Variants in ADGRL2 observed in about 807,000 individuals in gnomAD.
ADGRL2 encodes calcium-independent alpha-latrotoxin receptor 2.
Under a neutral mutation model 157.4 loss-of-function variants are expected in ADGRL2, and 44 were observed. The ratio of observed to expected loss-of-function variants is 0.28; its 90% CI spans 0.22 to 0.36. The LOEUF is 0.36. Among genes scored for constraint, ADGRL2 ranks in the 10% least tolerant of loss-of-function variants. The pLI is 1.00. For synonymous variants in ADGRL2, 585 were observed against 624.7 expected, an observed-to-expected ratio of 0.94 and a Z score of 0.95; for missense variants, 1,510 against 1,768.9, an observed-to-expected ratio of 0.85 and a Z score of 2.63.
At chr1:81,462,089 G>A (rs2077945782) in intron 2 of ADGRL2, among the ~76,000 whole-genome samples, 1 of 152,168 alleles carries the variant, frequency 6.6e-6, no homozygotes, top group African/African-American at 2.4e-5. Flanking sequence ...TCTGTGTCCA[G>A]CTAGAGGATT....
intron 11 of ADGRL2, among the ~76,000 whole-genome samples, chr1:81,964,932 A>G (rs1160538170): frequency 2.0e-5 from 3 of 152,172 alleles, no homozygotes; most frequent in South Asian, 2.1e-4. Flanking sequence ...TGTAAAGGCA[A>G]TGTACTTTTC....
intron 2 of ADGRL2, among the ~76,000 whole-genome samples, chr1:81,762,838 G>A (rs1032088619): frequency 4.0e-5 from 6 of 151,710 alleles, no homozygotes; most frequent in African/African-American, 1.5e-4. Flanking sequence ...AGATCACGAG[G>A]TCAGGAGATC....
rs561685799 is a variant in ADGRL2, at chr1:81,842,320, T to A, written c.73+5263T>A. Among the ~76,000 whole-genome samples the A allele has an allele frequency of 6.0e-5, 9 of 151,220 alleles. No homozygotes were observed. The East Asian group carries it at 1.8e-3, about 30-fold the overall frequency. ...TTAGGCTTCTTGGGAATAATTTTAGTCTTCAGAAAAGGATTTTTTTTTTCT... is the reference window on the plus strand; with the variant it reads ...TTAGGCTTCTTGGGAATAATTTTAGACTTCAGAAAAGGATTTTTTTTTTCT... On this transcript the variant is annotated intron_variant, in intron 2 of 23. Coordinates refer to ENST00000686636, the MANE Select transcript of ADGRL2 (RefSeq NM_001366006.2).
chr1:81,438,511 C>T (rs183897958), intron 1 of ADGRL2, among the ~76,000 whole-genome samples: 2 of 152,220 alleles, frequency 1.3e-5, no homozygotes, highest in East Asian at 1.9e-4. Flanking sequence ...CCCGAGTCTG[C>T]ATTCTGTGAC....
intron 3 of ADGRL2, among the ~76,000 whole-genome samples, chr1:81,606,771 T>C (rs201925908): frequency 2.5e-3 from 218 of 86,564 alleles, no homozygotes; most frequent in Middle Eastern, 0.023. Context: ...TGTGTGTGTG[T>C]GTGCGCACGC....
intron 1 of ADGRL2, among the ~76,000 whole-genome samples, chr1:81,369,233 A>G (rs1448356122): frequency 6.6e-6 from 1 of 152,126 alleles, no homozygotes; most frequent in Non-Finnish European, 1.5e-5. Flanking sequence ...AGAAATGAGG[A>G]CAGAAAGAGA....
chr1:81,351,295 A>T (rs1662868040), intron 1 of ADGRL2, among the ~76,000 whole-genome samples: 1 of 151,894 alleles, frequency 6.6e-6, no homozygotes, highest in Admixed American at 6.6e-5. Flanking sequence ...AACTGCTGGT[A>T]ACTTCTAAAG....
At chr1:81,502,857 A>T (rs533436737) in intron 2 of ADGRL2, 2 of 1,612,572 alleles carry the variant, frequency 1.2e-6, no homozygotes, top group Non-Finnish European at 1.7e-6. Flanking sequence ...TCCTCTCCCC[A>T]CCCAAGATCC....
chr1:81,375,761 C>A (rs1557639447), intron 1 of ADGRL2, among the ~76,000 whole-genome samples: 1 of 152,026 alleles, frequency 6.6e-6, no homozygotes, highest in Non-Finnish European at 1.5e-5. Context: ...ATTTCTGGAC[C>A]CCCCTCCATG....
chr1:81,806,151 A>G (rs989836759), intron 1 of ADGRL2, among the ~76,000 whole-genome samples: 14 of 152,156 alleles, frequency 9.2e-5, no homozygotes, highest in Middle Eastern at 3.4e-3. Flanking sequence ...GAACAAACCA[A>G]TTACTTCAAG....
chr1:81,801,998 G>T (rs1270393750), intron 1 of ADGRL2, among the ~76,000 whole-genome samples: 1 of 151,006 alleles, frequency 6.6e-6, no homozygotes, highest in Non-Finnish European at 1.5e-5. Flanking sequence ...GCCGCCCGGC[G>T]CTGGCTGCTC....
chr1:81,533,972 C>T (rs2079669225), intron 2 of ADGRL2, among the ~76,000 whole-genome samples: 1 of 152,112 alleles, frequency 6.6e-6, no homozygotes, highest in African/African-American at 2.4e-5. Context: ...ATCATGGGGT[C>T]TCCAGACAAA....
At chr1:81,516,057 C>T (rs2079170604) in intron 2 of ADGRL2, among the ~76,000 whole-genome samples, 1 of 152,056 alleles carries the variant, frequency 6.6e-6, no homozygotes, top group East Asian at 1.9e-4. Flanking sequence ...TTTTAATTTT[C>T]AGGCTGTCCT....
intron 1 of ADGRL2, among the ~76,000 whole-genome samples, chr1:81,405,515 T>C (rs965283898): frequency 1.5e-4 from 23 of 150,870 alleles, no homozygotes; most frequent in African/African-American, 5.6e-4. Flanking sequence ...GCCATGGGGG[T>C]GTTGCCCACC....
chr1:81,949,610 G>A (rs976331547), intron 6 of ADGRL2, among the ~76,000 whole-genome samples: 4 of 152,264 alleles, frequency 2.6e-5, no homozygotes, highest in South Asian at 4.1e-4. Flanking sequence ...ATAAAACAGC[G>A]CAAGCATGCC....
At chr1:81,363,103 A>G (rs546349988) in intron 1 of ADGRL2, among the ~76,000 whole-genome samples, 1 of 152,248 alleles carries the variant, frequency 6.6e-6, no homozygotes, top group South Asian at 2.1e-4. Context: ...TTATTAAGCA[A>G]AACGAATATC....
rs568289749 is a variant in ADGRL2 at position 81,828,972 on chromosome 1, C to T, written c.-100-7913C>T. Among the ~76,000 whole-genome samples the T allele has an allele frequency of 3.6e-4, 54 of 151,566 alleles. No homozygotes were observed. The East Asian group carries it at 8.9e-3, about 25-fold the overall frequency. Reference sequence around the variant, plus strand: ...TGTTGCCTGGGCTAGAGTGCAGTGGCGCTATCTTGGCTCACTGCAACCTCC... The same window carrying T: ...TGTTGCCTGGGCTAGAGTGCAGTGGTGCTATCTTGGCTCACTGCAACCTCC... On this transcript the variant is annotated intron_variant, in intron 1 of 23. Transcript: ENST00000686636.
intron 2 of ADGRL2, among the ~76,000 whole-genome samples, chr1:81,472,153 CAAAT>C (rs2078184492): frequency 1.3e-5 from 2 of 152,030 alleles, no homozygotes; most frequent in Non-Finnish European, 2.9e-5. Flanking sequence ...CAAAAACAAA[CAAAT>C]AAAAATAAAC....
At chr1:81,915,392 T>C (rs1449116715) in intron 3 of ADGRL2, among the ~76,000 whole-genome samples, 1 of 152,190 alleles carries the variant, frequency 6.6e-6, no homozygotes, top group East Asian at 1.9e-4. Context: ...TTTTTCATTT[T>C]AAAATGAAAA....
Sources: allele counts gnomAD v4.1 joint callset (sites outside exome capture counted in the v4.1 genomes callset), GRCh38; gene constraint gnomAD v4.1.1; transcripts MANE v1.5; gene names NCBI Gene and HGNC (gene_info 2026-07-23, HGNC 2026-07-21).